The following PAFAH1B3 variants were observed in gnomAD, a reference collection of about 807,000 sequenced individuals.
PAFAH1B3 encodes platelet-activating factor acetylhydrolase IB subunit alpha1.
In PAFAH1B3, 15 loss-of-function variants were observed where a neutral mutation model predicts 24.4. That is an observed-to-expected ratio of 0.62 (90% CI 0.41 to 0.95). The LOEUF (loss-of-function observed/expected upper bound fraction) is 0.95. Ranked by LOEUF, PAFAH1B3 falls within the 40% of genes least tolerant of loss-of-function variation. PAFAH1B3 has a pLI of 0.00. For synonymous variants in PAFAH1B3, 144 were observed against 126.5 expected, an observed-to-expected ratio of 1.14 and a Z score of -0.93; for missense variants, 266 against 312.2, an observed-to-expected ratio of 0.85 and a Z score of 1.12.
chr19:42,300,483 T>C (rs898388031), intron 2 of PAFAH1B3, among the ~76,000 whole-genome samples, 196 bp from the exon 3 acceptor site: 11 of 152,210 alleles, frequency 7.2e-5, no homozygotes, highest in Non-Finnish European at 1.5e-4. Flanking sequence ...TATTAGAGTC[T>C]CTCACTTATT....
chr19:42,298,374 T>C (rs1257233950), intron 4 of PAFAH1B3, among the ~76,000 whole-genome samples: 1 of 151,966 alleles, frequency 6.6e-6, no homozygotes, highest in African/African-American at 2.4e-5. Flanking sequence ...GCCTGCAGTC[T>C]CAGCTACTGT....
chr19:42,299,572 C>T (rs1228350024), intron 4 of PAFAH1B3, among the ~76,000 whole-genome samples: 3 of 151,478 alleles, frequency 2.0e-5, no homozygotes, highest in Non-Finnish European at 4.4e-5. Flanking sequence ...ACTACAGGTG[C>T]CCGCCACCAC....
chr19:42,297,044 G>C lies in PAFAH1B3; in HGVS notation c.*34C>G. The C allele has an allele frequency of 6.3e-7, 1 of 1,580,192 alleles. No individual in the cohort carries two copies. Among genetic ancestry groups the C allele is most frequent in the Non-Finnish European group, 8.6e-7 (1 of 1,156,342 alleles). ...AGCAGGAAACAGCACACTGAGGAAG[G>C]AGAGTTTAATGTTGTGGGAAGGCAG... On this transcript the variant is annotated 3_prime_UTR_variant, in exon 5 of 5. Transcript: ENST00000262890.
chr19:42,302,197 C>G, intron 1 of PAFAH1B3, 35 bp downstream of exon 1: 1 of 1,555,876 alleles, frequency 6.4e-7, no homozygotes, highest in Non-Finnish European at 8.7e-7. Flanking sequence ...CCCCGCGCCC[C>G]CGGACTCCTC....
At position 42,300,106 on chromosome 19, in the gene PAFAH1B3, G is replaced by A. The variant is rs1342025054; in HGVS notation, c.286-14C>T. 1 of 1,614,092 alleles carries A rather than the reference G, an allele frequency of 6.2e-7. No homozygotes were observed. The highest frequency in any genetic ancestry group is 1.7e-5 in the Admixed American group (1 of 60,010). ...GACCACCACAATCTGTGGAAAAAGAGACATGAAGCAGCGGTGAGGGGGCAG... is the reference window on the plus strand; with the variant it reads ...GACCACCACAATCTGTGGAAAAAGAAACATGAAGCAGCGGTGAGGGGGCAG... On this transcript the variant is annotated splice_polypyrimidine_tract_variant and intron_variant, in intron 3 of 4. Transcript: ENST00000262890.
At position 42,298,820 on chromosome 19, in the gene PAFAH1B3, C is replaced by CT. The variant is rs1005756116; in HGVS notation, c.408+1149dup. Reference sequence around the variant, plus strand: ...TGCGCACCATCATACCCAGCTAATTCTTTTTTTTTTTGAGATGGAGTCTTG... The same window carrying CT: ...TGCGCACCATCATACCCAGCTAATTCTTTTTTTTTTTTGAGATGGAGTCTTG... On this transcript the variant is annotated intron_variant, in intron 4 of 4. Coordinates refer to ENST00000262890, the MANE Select transcript of PAFAH1B3 (RefSeq NM_002573.4). 1.3e-3 allele frequency among the ~76,000 whole-genome samples: 194 copies of CT among 145,454 alleles called. 3 individuals are homozygous for CT. The East Asian group carries it at 0.032, about 24-fold the overall frequency.
At position 42,302,375 on chromosome 19, in the gene PAFAH1B3, G is replaced by A; in HGVS notation, c.-66C>T. ...GCCCGGGAGTGTTCCGAACGGAGCT[G>A]GCTCCGCCACGCCCACTCCTACCCC... On this transcript the variant is annotated 5_prime_UTR_variant, in exon 1 of 5. Transcript: ENST00000262890. The A allele has an allele frequency of 7.0e-7, 1 of 1,428,982 alleles. No homozygotes were observed. Among genetic ancestry groups the A allele is most frequent in the Non-Finnish European group, 9.5e-7 (1 of 1,052,218 alleles). 88.5% of individuals were successfully genotyped at this position (1,428,982 alleles called of 1,614,324 possible).
chr19:42,298,883 G>A (rs1462637195), intron 4 of PAFAH1B3, among the ~76,000 whole-genome samples: 3 of 150,972 alleles, frequency 2.0e-5, no homozygotes, highest in Non-Finnish European at 4.4e-5. Context: ...GCACAATCTC[G>A]GCTCACTGCA....
At chr19:42,302,197 C>T in intron 1 of PAFAH1B3, 35 bp downstream of exon 1, 3 of 1,555,876 alleles carry the variant, frequency 1.9e-6, no homozygotes, top group Non-Finnish European at 2.6e-6. Flanking sequence ...CCCCGCGCCC[C>T]CGGACTCCTC....
chr19:42,302,379 C>G lies in PAFAH1B3; in HGVS notation c.-70G>C. On this transcript the variant is annotated 5_prime_UTR_variant, in exon 1 of 5. Transcript: ENST00000262890. ...GGGAGTGTTCCGAACGGAGCTGGCT[C>G]CGCCACGCCCACTCCTACCCCTCGC... is the stretch of plus-strand genomic sequence containing the variant. The G allele has an allele frequency of 1.4e-6, 2 of 1,386,240 alleles. No homozygotes were observed. Among genetic ancestry groups the G allele is most frequent in the Non-Finnish European group, 2.0e-6 (2 of 1,015,492 alleles). 85.9% of individuals were successfully genotyped at this position (1,386,240 alleles called of 1,614,324 possible).
chr19:42,301,912 A>T (rs2038634402), intron 2 of PAFAH1B3, 38 bp downstream of exon 2: 1 of 1,500,712 alleles, frequency 6.7e-7, no homozygotes, highest in Non-Finnish European at 9.1e-7. Flanking sequence ...GCATGGACAC[A>T]GGGCTGGATG....
chr19:42,300,157 C>T lies in PAFAH1B3; in HGVS notation c.285+14G>A. The T allele has an allele frequency of 6.2e-7, 1 of 1,614,162 alleles. No individual in the cohort carries two copies. Among genetic ancestry groups the T allele is most frequent in the Non-Finnish European group, 8.5e-7 (1 of 1,179,974 alleles). ...CCAAAAGATGTTTTAGAGCCCCACC[C>T]AAGCCCCGCTCACCTTGGGCCGGAT... is the stretch of plus-strand genomic sequence containing the variant. On this transcript the variant is annotated intron_variant, in intron 3 of 4. Transcript: ENST00000262890.
rs113233665 is a variant in PAFAH1B3, at chr19:42,300,298, G to T, written c.169-11C>A. On this transcript the variant is annotated splice_polypyrimidine_tract_variant and intron_variant, in intron 2 of 4. Transcript: ENST00000262890. Reference sequence around the variant, plus strand: ...GAGCTCGCGCCAGATCTGTGGGCAAGAAGTGGTGTGGGCAAGAAGTGGTAG... The same window carrying T: ...GAGCTCGCGCCAGATCTGTGGGCAATAAGTGGTGTGGGCAAGAAGTGGTAG... The T allele has an allele frequency of 5.6e-4, 904 of 1,611,772 alleles. 19 individuals carry two copies. In the African/African-American group the frequency reaches 9.7e-3, roughly 17 times the overall value.
intron 4 of PAFAH1B3, 30 bp from the exon 5 acceptor site, chr19:42,297,395 A>AAC: frequency 1.3e-6 from 2 of 1,585,156 alleles, no homozygotes; most frequent in Non-Finnish European, 1.7e-6. Context: ...GTAGTAAGGA[A>AAC]ACAAGCATTT....
At chr19:42,300,430 T>A in intron 2 of PAFAH1B3, 143 bp from the exon 3 acceptor site, 4 of 667,368 alleles carry the variant, frequency 6.0e-6, no homozygotes, top group Non-Finnish European at 1.1e-5. Flanking sequence ...AAATTTTACC[T>A]GGAGCAAACT....
intron 4 of PAFAH1B3, among the ~76,000 whole-genome samples, chr19:42,298,597 A>G (rs1053662091): frequency 2.6e-5 from 4 of 152,208 alleles, no homozygotes; most frequent in Non-Finnish European, 5.9e-5. Context: ...TGGAGCCTAG[A>G]TTTACCCCAG....
chr19:42,301,675 G>A (rs905397484), intron 2 of PAFAH1B3, among the ~76,000 whole-genome samples: 28 of 152,186 alleles, frequency 1.8e-4, no homozygotes, highest in African/African-American at 6.8e-4. Flanking sequence ...ACTACTTAAA[G>A]CAAACAAGAA....
At chr19:42,300,546 C>T (rs1454680578) in intron 2 of PAFAH1B3, among the ~76,000 whole-genome samples, 4 of 152,152 alleles carry the variant, frequency 2.6e-5, no homozygotes, top group African/African-American at 7.2e-5. Flanking sequence ...GAGACAGAGT[C>T]TCACTCTGTC....
At chr19:42,298,381 C>T (rs1195301710) in intron 4 of PAFAH1B3, among the ~76,000 whole-genome samples, 2 of 152,140 alleles carry the variant, frequency 1.3e-5, no homozygotes, top group African/African-American at 4.8e-5. Flanking sequence ...GTCTCAGCTA[C>T]TGTGAAGGCT....
Sources: allele counts gnomAD v4.1 joint callset (sites outside exome capture counted in the v4.1 genomes callset), GRCh38; gene constraint gnomAD v4.1.1; transcripts MANE v1.5; gene names NCBI Gene and HGNC (gene_info 2026-07-23, HGNC 2026-07-21).